The following ADAMTS9 variants were observed in gnomAD, a reference collection of about 807,000 sequenced individuals.
The protein encoded by ADAMTS9 is A disintegrin and metalloproteinase with thrombospondin motifs 9.
ADAMTS9 carries 107 observed loss-of-function variants against 257.1 expected under a neutral mutation model. The ratio of observed to expected loss-of-function variants is 0.42; its 90% CI spans 0.36 to 0.49. The LOEUF is 0.49. ADAMTS9 is among the 20% of genes least tolerant of loss of function. The pLI, the probability that ADAMTS9 is intolerant of heterozygous loss-of-function variation, is 0.03. For missense variants in ADAMTS9, 2,353 were observed against 2,469.1 expected (o/e 0.95, Z 1.00); for synonymous variants, 982 against 880.9 (o/e 1.11, Z -2.03).
chr3:64,632,837 A>C (rs571832995), intron 14 of ADAMTS9, among the ~76,000 whole-genome samples: 37 of 152,004 alleles, frequency 2.4e-4, no homozygotes, highest in African/African-American at 8.4e-4. Context: ...GCAAAAAAAA[A>C]AAAACAAACA....
intron 14 of ADAMTS9, among the ~76,000 whole-genome samples, chr3:64,632,555 T>C (rs1700391944): frequency 6.6e-6 from 1 of 152,134 alleles, no homozygotes. Context: ...GCCTGCTGAA[T>C]TTCTCCTCAT....
intron 12 of ADAMTS9, among the ~76,000 whole-genome samples, chr3:64,639,421 A>C (rs1048497596): frequency 6.8e-6 from 1 of 147,456 alleles, no homozygotes; most frequent in Non-Finnish European, 1.5e-5. Context: ...TCTTTGTTGC[A>C]CTTTGAAGCT....
At chr3:64,667,470 G>T (rs1039759559) in intron 3 of ADAMTS9, among the ~76,000 whole-genome samples, 1 of 152,298 alleles carries the variant, frequency 6.6e-6, no homozygotes, top group East Asian at 1.9e-4. Context: ...TCCCTCTCAG[G>T]GAGAGAAGGG....
chr3:64,593,965 G>A (rs955765561), intron 28 of ADAMTS9, among the ~76,000 whole-genome samples: 2 of 81,814 alleles, frequency 2.4e-5, no homozygotes, highest in African/African-American at 1.1e-4. Context: ...TGTATGATGT[G>A]TGTGTGTGTG....
intron 33 of ADAMTS9, 95 bp from the exon 34 acceptor site, chr3:64,541,715 T>C: frequency 6.4e-7 from 1 of 1,561,862 alleles, no homozygotes; most frequent in Non-Finnish European, 8.8e-7. Context: ...CTAAAACTTT[T>C]TAGCAAAGCG....
At chr3:64,524,188 G>T (rs947204084) in intron 38 of ADAMTS9, among the ~76,000 whole-genome samples, 11 of 152,180 alleles carry the variant, frequency 7.2e-5, no homozygotes, top group Non-Finnish European at 1.6e-4. Flanking sequence ...CTGTTTTTCA[G>T]ACTTTGATAT....
intron 11 of ADAMTS9, 152 bp from the exon 12 acceptor site, chr3:64,642,145 T>C (rs1363546772): frequency 1.1e-6 from 1 of 906,668 alleles, no homozygotes; most frequent in Non-Finnish European, 1.7e-6. Flanking sequence ...ATGGAAGCTA[T>C]AGGGATTTTA....
rs181928838 is a variant in ADAMTS9, at chr3:64,536,699, C to A, written c.5613+2504G>T. On this transcript the variant is annotated intron_variant, in intron 37 of 39. Coordinates refer to ENST00000498707, the MANE Select transcript of ADAMTS9 (RefSeq NM_182920.2). ...AAAAAGGAGGCATTTTCATAGAATA[C>A]TGTGGTGATTTAAATGCTACATTGA... Among the ~76,000 whole-genome samples the A allele has an allele frequency of 3.3e-5, 5 of 152,276 alleles. No homozygotes were observed. The East Asian group carries it at 9.7e-4, about 29-fold the overall frequency.
chr3:64,649,524 T>A, intron 10 of ADAMTS9, 113 bp downstream of exon 10: 1 of 1,256,848 alleles, frequency 8.0e-7, no homozygotes, highest in Non-Finnish European at 1.1e-6. Context: ...GCAATTTTAC[T>A]CTCAGCTTTT....
chr3:64,517,658 C>A (rs6790968), intron 39 of ADAMTS9, among the ~76,000 whole-genome samples: 2,255 of 151,802 alleles, frequency 0.015, 45 homozygotes, highest in African/African-American at 0.052. Context: ...GAAATCCCCC[C>A]ACCTGAGATA....
intron 28 of ADAMTS9, among the ~76,000 whole-genome samples, chr3:64,584,730 A>T (rs2084102477): frequency 6.6e-6 from 1 of 152,114 alleles, no homozygotes; most frequent in African/African-American, 2.4e-5. Flanking sequence ...CCAATTGCCA[A>T]CATTTCACCA....
At chr3:64,655,941 C>T in intron 4 of ADAMTS9, 66 bp from the exon 5 acceptor site, 2 of 1,016,172 alleles carry the variant, frequency 2.0e-6, no homozygotes, top group Non-Finnish European at 2.9e-6. Flanking sequence ...CAAGTCACGT[C>T]TTACGTTGGG....
chr3:64,538,101 C>T (rs1250326201), intron 37 of ADAMTS9, among the ~76,000 whole-genome samples: 9 of 152,190 alleles, frequency 5.9e-5, no homozygotes. Context: ...GTAGGGGTAA[C>T]AGGTTGAGTC....
At position 64,654,271 on chromosome 3, in the gene ADAMTS9, G is replaced by A. The variant is rs762784344; in HGVS notation, c.1316+82C>T. ...CGGGAAGTCTCTTACACACTCGAAA[G>A]TCAAGTAAATGCTCACTGATGCGAA... is the stretch of plus-strand genomic sequence containing the variant. On this transcript the variant is annotated intron_variant, in intron 8 of 39. Coordinates refer to ENST00000498707, the MANE Select transcript of ADAMTS9 (RefSeq NM_182920.2). The A allele has an allele frequency of 4.6e-5, 63 of 1,374,342 alleles. 3 individuals are homozygous for A. In the South Asian group the frequency reaches 7.3e-4, roughly 16 times the overall value. 85.1% of individuals were successfully genotyped at this position (1,374,342 alleles called of 1,614,324 possible). A position where few individuals can be genotyped will look rare whatever the true frequency, so the allele number is the denominator to read the frequency against.
intron 23 of ADAMTS9, among the ~76,000 whole-genome samples, chr3:64,605,600 C>CTGAA (rs2084543257): frequency 1.3e-5 from 2 of 152,168 alleles, no homozygotes; most frequent in African/African-American, 4.8e-5. Context: ...GGTTCAAATG[C>CTGAA]CATCTTCAGC....
chr3:64,622,050 A>G (rs1185054505), intron 18 of ADAMTS9, 148 bp downstream of exon 18: 4 of 876,486 alleles, frequency 4.6e-6, no homozygotes, highest in Non-Finnish European at 6.4e-6. Flanking sequence ...CCAGCCAAAA[A>G]TGACCAGACA....
intron 3 of ADAMTS9, among the ~76,000 whole-genome samples, chr3:64,668,807 G>C (rs891593480): frequency 2.5e-4 from 38 of 152,284 alleles, no homozygotes; most frequent in African/African-American, 8.7e-4. Context: ...AGCTGAATGT[G>C]GTGCCTGTGG....
intron 11 of ADAMTS9, among the ~76,000 whole-genome samples, chr3:64,644,504 C>T (rs1700736141): frequency 6.6e-6 from 1 of 152,196 alleles, no homozygotes; most frequent in African/African-American, 2.4e-5. Context: ...TATCCATCCT[C>T]CCCTTTATCT....
intron 21 of ADAMTS9, among the ~76,000 whole-genome samples, chr3:64,614,546 T>C (rs1324097303): frequency 2.6e-5 from 4 of 152,226 alleles, no homozygotes; most frequent in Admixed American, 2.6e-4. Flanking sequence ...ATTCCTGATT[T>C]GGCCCATTAA....
Sources: allele counts gnomAD v4.1 joint callset (sites outside exome capture counted in the v4.1 genomes callset), GRCh38; gene constraint gnomAD v4.1.1; transcripts MANE v1.5; gene names NCBI Gene and HGNC (gene_info 2026-07-23, HGNC 2026-07-21).